The following NAV2 variants were observed in gnomAD, a reference collection of about 807,000 sequenced individuals.
NAV2 encodes neuron navigator 2.
NAV2 carries 54 observed loss-of-function variants against 223.2 expected under a neutral mutation model. The ratio of observed to expected loss-of-function variants is 0.24; its 90% CI spans 0.19 to 0.30. NAV2 has a LOEUF of 0.30. NAV2 is among the 10% of genes least tolerant of loss of function. The probability of loss-of-function intolerance (pLI) is 1.00; values close to 1 mark genes in which losing one functional copy is unlikely to be tolerated. For missense variants in NAV2, 2,806 were observed against 3,147.5 expected (o/e 0.89, Z 2.60); for synonymous variants, 1,279 against 1,239.3 (o/e 1.03, Z -0.67).
chr11:19,398,730 C>T (rs1849565208), intron 1 of NAV2, among the ~76,000 whole-genome samples: 2 of 152,196 alleles, frequency 1.3e-5, no homozygotes, highest in Admixed American at 6.5e-5. Flanking sequence ...TATGACTTGA[C>T]CCATCATTTG....
intron 12 of NAV2, among the ~76,000 whole-genome samples, chr11:20,040,267 C>T (rs1342842810): frequency 6.6e-6 from 1 of 152,086 alleles, no homozygotes; most frequent in Non-Finnish European, 1.5e-5. Flanking sequence ...AGTACCTGTT[C>T]TCCCATAATG....
intron 30 of NAV2, 39 bp downstream of exon 30, chr11:20,095,806 A>G (rs1265145815): frequency 6.8e-7 from 1 of 1,461,732 alleles, no homozygotes; most frequent in South Asian, 1.1e-5. Context: ...ATACTACCTA[A>G]CATGGGCATC....
intron 1 of NAV2, among the ~76,000 whole-genome samples, chr11:19,672,203 C>T (rs1031340713): frequency 6.6e-6 from 1 of 152,226 alleles, no homozygotes; most frequent in Non-Finnish European, 1.5e-5. Context: ...TAGCAAAGTG[C>T]AGTGCACAGT....
intron 1 of NAV2, among the ~76,000 whole-genome samples, chr11:19,705,108 T>TAAAC (rs1270164466): frequency 6.7e-6 from 1 of 149,310 alleles, no homozygotes; most frequent in African/African-American, 2.5e-5. Flanking sequence ...AATAAATAAA[T>TAAAC]AAATAAATAA....
chr11:20,024,500 A>G (rs1185820422), intron 11 of NAV2, among the ~76,000 whole-genome samples: 1 of 152,204 alleles, frequency 6.6e-6, no homozygotes, highest in African/African-American at 2.4e-5. Context: ...GAGAAGATCT[A>G]CACCCAGCAT....
intron 1 of NAV2, among the ~76,000 whole-genome samples, chr11:19,643,122 A>G (rs1268220831): frequency 6.6e-6 from 1 of 152,126 alleles, no homozygotes; most frequent in African/African-American, 2.4e-5. Context: ...ATACACAATT[A>G]TATATATACA....
At chr11:19,437,320 A>G (rs1851248902) in intron 1 of NAV2, among the ~76,000 whole-genome samples, 3 of 152,102 alleles carry the variant, frequency 2.0e-5, no homozygotes, top group African/African-American at 7.2e-5. Context: ...GTACATGGTA[A>G]TCTCTGCTTG....
intron 1 of NAV2, among the ~76,000 whole-genome samples, chr11:19,565,041 A>G (rs990016077): frequency 6.6e-6 from 1 of 152,164 alleles, no homozygotes; most frequent in African/African-American, 2.4e-5. Flanking sequence ...AGGCTGAGGC[A>G]GGAGAATCTC....
chr11:20,012,567 C>T (rs531997120), intron 11 of NAV2, among the ~76,000 whole-genome samples: 28 of 151,550 alleles, frequency 1.8e-4, no homozygotes, highest in African/African-American at 6.3e-4. Flanking sequence ...CCTAGCTACT[C>T]GGGAGGCTGA....
chr11:19,827,693 C>A (rs1429453184), intron 1 of NAV2, among the ~76,000 whole-genome samples: 1 of 151,850 alleles, frequency 6.6e-6, no homozygotes, highest in Non-Finnish European at 1.5e-5. Flanking sequence ...GAAGAGTTAG[C>A]CTTTATTATT....
chr11:19,722,968 C>A (rs1016506179), intron 1 of NAV2, among the ~76,000 whole-genome samples: 3 of 152,236 alleles, frequency 2.0e-5, no homozygotes, highest in Non-Finnish European at 4.4e-5. Context: ...TCCAAACTCT[C>A]TGGCTGCTGC....
intron 6 of NAV2, among the ~76,000 whole-genome samples, chr11:19,915,434 T>C (rs1353916272): frequency 6.6e-6 from 1 of 152,220 alleles, no homozygotes; most frequent in Non-Finnish European, 1.5e-5. Flanking sequence ...CTCCGTGAGC[T>C]GGCCTCATTT....
chr11:19,494,365 C>T (rs962146257), intron 1 of NAV2, among the ~76,000 whole-genome samples: 1 of 152,212 alleles, frequency 6.6e-6, no homozygotes, highest in African/African-American at 2.4e-5. Context: ...TCCCCCTAGG[C>T]CCCAAATCAT....
chr11:19,917,786 A>T (rs2043930217), intron 6 of NAV2, among the ~76,000 whole-genome samples: 1 of 152,078 alleles, frequency 6.6e-6, no homozygotes, highest in Non-Finnish European at 1.5e-5. Context: ...CTAATTTTGT[A>T]TTTTTAGTAG....
At chr11:19,507,995 G>A (rs561910338) in intron 1 of NAV2, among the ~76,000 whole-genome samples, 5 of 152,314 alleles carry the variant, frequency 3.3e-5, no homozygotes, top group African/African-American at 1.2e-4. Context: ...TAATAAATAC[G>A]TGAAGCCTAA....
At chr11:19,635,050 C>G (rs1490729917) in intron 1 of NAV2, among the ~76,000 whole-genome samples, 2 of 152,188 alleles carry the variant, frequency 1.3e-5, no homozygotes, top group African/African-American at 4.8e-5. Flanking sequence ...TGGTCCTGCG[C>G]TGGTGTTCCT....
chr11:19,460,502 G>A (rs922028174), intron 1 of NAV2, among the ~76,000 whole-genome samples: 3 of 152,050 alleles, frequency 2.0e-5, no homozygotes, highest in African/African-American at 7.2e-5. Flanking sequence ...AAATTCCTTT[G>A]GTAGCTTCTT....
intron 1 of NAV2, among the ~76,000 whole-genome samples, chr11:19,637,081 C>T (rs1037867410): frequency 5.3e-5 from 8 of 152,186 alleles, no homozygotes; most frequent in African/African-American, 1.9e-4. Context: ...AACAAGTTTT[C>T]CATGGTCTTG....
chr11:19,589,948 G>A (rs920021839), intron 1 of NAV2, among the ~76,000 whole-genome samples: 3 of 152,204 alleles, frequency 2.0e-5, no homozygotes, highest in Admixed American at 6.5e-5. Flanking sequence ...TGAGCTCACC[G>A]TGGGGCCTGG....
Sources: allele counts gnomAD v4.1 joint callset (sites outside exome capture counted in the v4.1 genomes callset), GRCh38; gene constraint gnomAD v4.1.1; transcripts MANE v1.5; gene names NCBI Gene and HGNC (gene_info 2026-07-23, HGNC 2026-07-21).